PPP3CC: variants seen among roughly 807,000 people sequenced by gnomAD.
The protein encoded by PPP3CC is protein phosphatase 3 catalytic subunit gamma, also known as serine/threonine-protein phosphatase 2B catalytic subunit gamma isoform.
Under a neutral mutation model 60.3 loss-of-function variants are expected in PPP3CC, and 35 were observed. The ratio of observed to expected loss-of-function variants is 0.58; its 90% CI spans 0.44 to 0.77. PPP3CC has a LOEUF of 0.77. Among genes scored for constraint, PPP3CC ranks in the 30% least tolerant of loss-of-function variants. The pLI, the probability that PPP3CC is intolerant of heterozygous loss-of-function variation, is 0.00. For missense variants in PPP3CC, 570 were observed against 628.9 expected (o/e 0.91, Z 1.00); for synonymous variants, 206 against 224.3 (o/e 0.92, Z 0.73).
At chr8:22,521,128 G>T (rs1339018737) in intron 6 of PPP3CC, among the ~76,000 whole-genome samples, 1 of 152,130 alleles carries the variant, frequency 6.6e-6, no homozygotes, top group Non-Finnish European at 1.5e-5. Flanking sequence ...AACTCAATAG[G>T]GTGGGACCCA....
intron 4 of PPP3CC, among the ~76,000 whole-genome samples, chr8:22,499,158 G>A (rs1021927060): frequency 1.3e-5 from 2 of 150,380 alleles, no homozygotes; most frequent in African/African-American, 4.9e-5. Flanking sequence ...AGTCAAAACA[G>A]GCCGGGCGCG....
chr8:22,452,765 A>G (rs760746769), intron 1 of PPP3CC, among the ~76,000 whole-genome samples: 2 of 152,228 alleles, frequency 1.3e-5, no homozygotes, highest in Non-Finnish European at 2.9e-5. Flanking sequence ...TGGCAAGCAC[A>G]TAGTGAGTAC....
At chr8:22,533,599 C>T (rs1484932821) in intron 12 of PPP3CC, among the ~76,000 whole-genome samples, 1 of 151,948 alleles carries the variant, frequency 6.6e-6, no homozygotes, top group Non-Finnish European at 1.5e-5. Flanking sequence ...CCGAGGCGGG[C>T]GGATCACCTG....
At chr8:22,538,743 G>A (rs1839897902) in intron 12 of PPP3CC, among the ~76,000 whole-genome samples, 1 of 152,236 alleles carries the variant, frequency 6.6e-6, no homozygotes, top group African/African-American at 2.4e-5. Flanking sequence ...TGCTAAGAAA[G>A]AAGAGGGCTT....
chr8:22,447,669 G>A (rs981047193), intron 1 of PPP3CC, among the ~76,000 whole-genome samples: 1 of 152,048 alleles, frequency 6.6e-6, no homozygotes, highest in African/African-American at 2.4e-5. Flanking sequence ...CAAAACTGAG[G>A]CCTAAAACTT....
rs569839824 is a variant in PPP3CC at position 22,517,171 on chromosome 8, G to A, written c.770+3739G>A. On this transcript the variant is annotated intron_variant, in intron 6 of 13. Transcript: ENST00000240139. The stretch of plus-strand genomic sequence containing the variant: ...ACCCAGCACACATGTTCCCAGCTGA[G>A]GCTGAACAAAGTGATACTCTGCCTT... Among the ~76,000 whole-genome samples, 4 of 152,312 alleles carry A rather than the reference G, an allele frequency of 2.6e-5. No homozygotes were observed. The South Asian group carries it at 8.3e-4, about 32-fold the overall frequency.
intron 4 of PPP3CC, among the ~76,000 whole-genome samples, chr8:22,499,355 C>T (rs377492679): frequency 4.4e-4 from 66 of 150,482 alleles, no homozygotes; most frequent in South Asian, 1.9e-3. Context: ...AGGAGAATGG[C>T]GTGAACCCGG....
chr8:22,522,814 A>T (rs1839443783), intron 8 of PPP3CC, 65 bp downstream of exon 8: 2 of 1,129,546 alleles, frequency 1.8e-6, no homozygotes, highest in Admixed American at 4.0e-5. Context: ...GTTTAATTGT[A>T]TGTACGTATG....
intron 1 of PPP3CC, among the ~76,000 whole-genome samples, chr8:22,450,159 G>A (rs1041823342): frequency 4.6e-5 from 7 of 152,048 alleles, no homozygotes; most frequent in East Asian, 1.9e-4. Context: ...GTGAGCCACC[G>A]CGCCCGGCTG....
At chr8:22,517,864 C>G (rs948455223) in intron 6 of PPP3CC, among the ~76,000 whole-genome samples, 1 of 151,846 alleles carries the variant, frequency 6.6e-6, no homozygotes, top group African/African-American at 2.4e-5. Flanking sequence ...CATTTCTGCC[C>G]TAAACTTTCC....
At chr8:22,477,575 C>CATCAGAT (rs1837931242) in intron 3 of PPP3CC, among the ~76,000 whole-genome samples, 1 of 151,896 alleles carries the variant, frequency 6.6e-6, no homozygotes, top group Non-Finnish European at 1.5e-5. Context: ...AGGTTTCAGA[C>CATCAGAT]GGTAAAGATT....
At chr8:22,441,874 G>T (rs1184675159) in intron 1 of PPP3CC, among the ~76,000 whole-genome samples, 1 of 152,106 alleles carries the variant, frequency 6.6e-6, no homozygotes, top group Non-Finnish European at 1.5e-5. Flanking sequence ...TTTTTAGGAC[G>T]TATACCATGT....
In PPP3CC at chr8:22,478,008, G is replaced by A. The variant is rs182593814; in HGVS notation, c.372+2384G>A. Among the ~76,000 whole-genome samples, 419 of 152,116 alleles carry A rather than the reference G, an allele frequency of 2.8e-3. 1 individual carries two copies. Among genetic ancestry groups the A allele is most frequent in the African/African-American group, 9.4e-3 (390 of 41,500 alleles). On this transcript the variant is annotated intron_variant, in intron 3 of 13. Coordinates refer to ENST00000240139, the MANE Select transcript of PPP3CC (RefSeq NM_005605.5). ...TGGGATTACAGGCACCTGCCACCAC[G>A]TCTGGCTAATTTTTTGTATTTTTAG...
intron 3 of PPP3CC, among the ~76,000 whole-genome samples, chr8:22,497,029 T>C (rs1222916954): frequency 6.6e-6 from 1 of 152,074 alleles, no homozygotes; most frequent in Non-Finnish European, 1.5e-5. Context: ...AAAAGGTCTA[T>C]TTTTGTTTGT....
chr8:22,496,534 G>A (rs1270867561), intron 3 of PPP3CC, among the ~76,000 whole-genome samples: 1 of 87,114 alleles, frequency 1.1e-5, no homozygotes, highest in African/African-American at 4.2e-5. Context: ...GTCTCGCTCT[G>A]TCACCCAGGC....
chr8:22,520,495 C>G (rs1314219557), intron 6 of PPP3CC, among the ~76,000 whole-genome samples: 1 of 152,046 alleles, frequency 6.6e-6, no homozygotes, highest in African/African-American at 2.4e-5. Context: ...TTTCCACATT[C>G]TTTTTTATTC....
intron 1 of PPP3CC, among the ~76,000 whole-genome samples, chr8:22,450,061 G>T (rs1192530717): frequency 6.6e-6 from 1 of 151,688 alleles, no homozygotes; most frequent in Non-Finnish European, 1.5e-5. Flanking sequence ...AGTAGAGAAG[G>T]GGTTTCACCA....
intron 3 of PPP3CC, among the ~76,000 whole-genome samples, chr8:22,494,347 G>C (rs1838499276): frequency 6.6e-6 from 1 of 152,128 alleles, no homozygotes; most frequent in South Asian, 2.1e-4. Context: ...GATCTCATGA[G>C]ACTTTTTCAC....
chr8:22,467,504 G>C (rs1272767873), intron 1 of PPP3CC, among the ~76,000 whole-genome samples: 1 of 151,994 alleles, frequency 6.6e-6, no homozygotes, highest in African/African-American at 2.4e-5. Flanking sequence ...TTTCAGTGGT[G>C]CGATCTCAGC....
Sources: gnomAD v4.1 joint callset for allele counts (sites outside exome capture counted in the v4.1 genomes callset) on GRCh38, gnomAD v4.1.1 for gene constraint, MANE v1.5 for transcripts, NCBI Gene and HGNC (gene_info 2026-07-23, HGNC 2026-07-21) for gene names.